COL21A1: variants seen among roughly 807,000 people sequenced by gnomAD.
COL21A1 encodes the protein collagen alpha-1(XXI) chain.
Under a neutral mutation model 137.9 loss-of-function variants are expected in COL21A1, and 149 were observed. That is an observed-to-expected ratio of 1.08 (90% CI 0.95 to 1.24). The LOEUF (loss-of-function observed/expected upper bound fraction) is 1.24, where lower values mean the gene tolerates loss of function less well. COL21A1 is among the 50% of genes most tolerant of loss of function. The pLI is 0.00. For synonymous variants in COL21A1, 456 were observed against 391.5 expected (o/e 1.16, Z -1.95); for missense variants, 1,167 against 1,158.4 (o/e 1.01, Z -0.11).
intron 1 of COL21A1, among the ~76,000 whole-genome samples, chr6:56,288,668 T>C (rs1187041902): frequency 2.0e-5 from 3 of 152,026 alleles, no homozygotes; most frequent in Non-Finnish European, 4.4e-5. Context: ...GGGTTCAGAG[T>C]ATACAAGCCA....
intron 9 of COL21A1, among the ~76,000 whole-genome samples, chr6:56,157,778 T>A (rs1775868403): frequency 6.6e-6 from 1 of 152,266 alleles, no homozygotes; most frequent in African/African-American, 2.4e-5. Context: ...GTTGCTGTGT[T>A]ACTGTCTATA....
intron 16 of COL21A1, among the ~76,000 whole-genome samples, chr6:56,123,135 T>C (rs1772696969): frequency 6.6e-6 from 1 of 152,252 alleles, no homozygotes; most frequent in South Asian, 2.1e-4. Flanking sequence ...GAAGCCATGA[T>C]GGCTTTATTC....
At chr6:56,097,970 T>C (rs1769636754) in intron 17 of COL21A1, among the ~76,000 whole-genome samples, 1 of 75,836 alleles carries the variant, frequency 1.3e-5, no homozygotes, top group East Asian at 3.6e-4. Context: ...TATATAAATA[T>C]ATAAATATAT....
intron 20 of COL21A1, among the ~76,000 whole-genome samples, chr6:56,072,311 G>A (rs929967412): frequency 6.6e-6 from 1 of 151,498 alleles, no homozygotes; most frequent in East Asian, 1.9e-4. Flanking sequence ...TATTCCTTTG[G>A]ATACATACCG....
chr6:56,114,040 G>A (rs1771681377), intron 16 of COL21A1, among the ~76,000 whole-genome samples: 1 of 152,224 alleles, frequency 6.6e-6, no homozygotes, highest in African/African-American at 2.4e-5. Flanking sequence ...CAGCTCTGCT[G>A]CAACACAACA....
chr6:56,296,718 G>A (rs1273886762), intron 1 of COL21A1, among the ~76,000 whole-genome samples: 1 of 151,956 alleles, frequency 6.6e-6, no homozygotes, highest in Non-Finnish European at 1.5e-5. Flanking sequence ...TGAGATTGGA[G>A]GGGTTCATGT....
At chr6:56,099,004 T>G (rs1770174239) in intron 17 of COL21A1, among the ~76,000 whole-genome samples, 1 of 150,736 alleles carries the variant, frequency 6.6e-6, no homozygotes, top group Non-Finnish European at 1.5e-5. Context: ...CGTGAGCCAC[T>G]GCACCCGGCC....
intron 9 of COL21A1, among the ~76,000 whole-genome samples, chr6:56,159,585 C>T (rs1193061550): frequency 6.6e-6 from 1 of 151,778 alleles, no homozygotes; most frequent in Non-Finnish European, 1.5e-5. Flanking sequence ...TCCACCTCTG[C>T]CTCCCAAAGT....
rs1777745767 is a variant in COL21A1 at position 56,179,644 on chromosome 6, A to G, written c.574T>C (p.Phe192Leu). The G allele has an allele frequency of 1.2e-6, 2 of 1,613,924 alleles. No homozygotes were observed. Among genetic ancestry groups the G allele is most frequent in the East Asian group, 4.5e-5 (2 of 44,880 alleles). ...ATTGCAATATAGTCTTCCACATAAA[A>G]CACATAAGTAGACGAAGGCTTGTTG... Reference protein sequence around the residue: ...IANKPSSTYVFYVEDYIAISK... With the variant: ...IANKPSSTYVLYVEDYIAISK... Residue 192 changes from phenylalanine (F) to leucine (L), a missense_variant, in exon 3 of 30, where the codon TTT (phenylalanine) becomes CTT (leucine). Physicochemically the swap from Phe to Leu is conservative, Grantham distance 22. Transcript: ENST00000244728.
chr6:56,216,478 A>C (rs1413343648), intron 1 of COL21A1, among the ~76,000 whole-genome samples: 1 of 152,056 alleles, frequency 6.6e-6, no homozygotes, highest in Non-Finnish European at 1.5e-5. Context: ...TTTAAAGCCC[A>C]ATTCATACTA....
chr6:56,171,581 C>T (rs1324110287), intron 3 of COL21A1, among the ~76,000 whole-genome samples: 1 of 151,830 alleles, frequency 6.6e-6, no homozygotes. Flanking sequence ...AAATTCTTTT[C>T]TTGCATTCTT....
chr6:56,122,520 G>C (rs546913680), intron 16 of COL21A1, among the ~76,000 whole-genome samples: 1 of 152,132 alleles, frequency 6.6e-6, no homozygotes, highest in East Asian at 1.9e-4. Flanking sequence ...TTCTTTATGG[G>C]ATAATGAAAA....
At chr6:56,337,960 T>A in intron 1 of COL21A1, among the ~76,000 whole-genome samples, 1 of 80,628 alleles carries the variant, frequency 1.2e-5, no homozygotes, top group East Asian at 2.8e-4. Context: ...TCTTTTCTTT[T>A]CTTTTTTTTT....
In COL21A1 at chr6:56,205,014, C is replaced by A. The variant is rs113168199; in HGVS notation, c.-38-22358G>T. Among the ~76,000 whole-genome samples, 407 of 152,248 alleles carry A rather than the reference C, an allele frequency of 2.7e-3. 3 individuals carry two copies. The highest frequency in any genetic ancestry group is 9.5e-3 in the African/African-American group (394 of 41,528). On this transcript the variant is annotated intron_variant, in intron 1 of 29. Transcript: ENST00000244728. ...CATCAAAGACCAAAGGTAGATAAATCCACAAAGATGGGGAGAAACCAGTGC... is the reference window on the plus strand; with the variant it reads ...CATCAAAGACCAAAGGTAGATAAATACACAAAGATGGGGAGAAACCAGTGC...
At chr6:56,222,652 C>G (rs765187170) in intron 1 of COL21A1, among the ~76,000 whole-genome samples, 1 of 152,052 alleles carries the variant, frequency 6.6e-6, no homozygotes, top group African/African-American at 2.4e-5. Flanking sequence ...GAAAATACAT[C>G]TGGTTACATT....
chr6:56,290,498 G>GTTTTTTTTTTTTTT (rs371058894), intron 1 of COL21A1, among the ~76,000 whole-genome samples: 4 of 132,952 alleles, frequency 3.0e-5, no homozygotes, highest in Admixed American at 8.2e-5. Context: ...TCACTTAGGA[G>GTTTTTTTTTTTTTT]ATTTTTTTTT....
At chr6:56,362,456 G>A (rs1376393857) in intron 1 of COL21A1, among the ~76,000 whole-genome samples, 4 of 152,118 alleles carry the variant, frequency 2.6e-5, no homozygotes, top group Non-Finnish European at 5.9e-5. Flanking sequence ...AAATAGACCA[G>A]TAGGTAAAGG....
Position 56,125,610 on chromosome 6 carries a change from C to T in COL21A1, c.1607G>A (p.Gly536Asp), listed in dbSNP as rs1240347309. The change falls in exon 14 of 30, where the codon GGT becomes GAT. Residue 536 changes from glycine to aspartate, a missense_variant. By Grantham distance (94) the Gly-to-Asp change is moderately conservative. Coordinates refer to ENST00000244728, the MANE Select transcript of COL21A1 (RefSeq NM_030820.4). ...HGMPGSKGEM[G>D]AKGDKGSPGF... ...AGGTGATCCTTTGTCTCCTTTGGCA[C>T]CCATTTCACCCTAAAAGACAAAATA... 1.9e-6 allele frequency: 3 copies of T among 1,585,758 alleles called. No homozygotes were observed. The highest frequency in any genetic ancestry group is 2.3e-5 in the South Asian group (2 of 86,696).
chr6:56,112,975 C>T (rs1265089122), intron 16 of COL21A1, among the ~76,000 whole-genome samples: 5 of 152,224 alleles, frequency 3.3e-5, no homozygotes, highest in Admixed American at 2.6e-4. Flanking sequence ...TGAGTCACGG[C>T]GCTAGGCCCA....
Sources: allele counts gnomAD v4.1 joint callset (sites outside exome capture counted in the v4.1 genomes callset), GRCh38; gene constraint gnomAD v4.1.1; transcripts MANE v1.5; gene names NCBI Gene and HGNC (gene_info 2026-07-23, HGNC 2026-07-21).